DIAPH2: variants seen among roughly 807,000 people sequenced by gnomAD.
DIAPH2 encodes the protein diaphanous related formin 2, also known as protein diaphanous homolog 2.
DIAPH2 carries 35 observed loss-of-function variants against 92.7 expected under a neutral mutation model. The observed-to-expected ratio is 0.38, with a 90% CI of 0.29 to 0.50. The LOEUF is 0.50. Among genes scored for constraint, DIAPH2 ranks in the 20% least tolerant of loss-of-function variants. DIAPH2 has a pLI of 0.94. For synonymous variants in DIAPH2, 301 were observed against 280.4 expected, an observed-to-expected ratio of 1.07 and a Z score of -0.73; for missense variants, 701 against 819.5, an observed-to-expected ratio of 0.86 and a Z score of 1.77.
At chrX:97,009,176 A>G (rs1482085047) in intron 17 of DIAPH2, among the ~76,000 whole-genome samples, 1 of 110,498 alleles carries the variant, frequency 9.0e-6, no homozygotes, top group African/African-American at 3.3e-5. Flanking sequence ...CCTTTTCACA[A>G]GCAGAGGAGG....
At chrX:96,885,301 A>G (rs1338325929) in intron 5 of DIAPH2, 18 of 397,168 alleles carry the variant, frequency 4.5e-5, no homozygotes, top group Non-Finnish European at 4.4e-6. Context: ...ATAAATTGAC[A>G]ACTCTGTAGG....
chrX:96,754,791 G>A, intron 3 of DIAPH2, among the ~76,000 whole-genome samples: 1 of 108,169 alleles, frequency 9.2e-6, no homozygotes, highest in African/African-American at 3.4e-5. Context: ...GGGTGTGGTG[G>A]TGCGTGCCTG....
At chrX:96,958,468 C>T (rs931567291) in intron 16 of DIAPH2, among the ~76,000 whole-genome samples, 8 of 111,540 alleles carry the variant, frequency 7.2e-5, no homozygotes, top group African/African-American at 9.8e-5. Context: ...AATATTTGTA[C>T]GTATTTATGG....
chrX:96,882,669 A>T (rs926331569), intron 5 of DIAPH2, among the ~76,000 whole-genome samples: 7 of 110,425 alleles, frequency 6.3e-5, no homozygotes, highest in African/African-American at 2.3e-4. Flanking sequence ...ATATCAAAAC[A>T]TTCTTGGCCG....
intron 26 of DIAPH2, among the ~76,000 whole-genome samples, chrX:97,521,408 A>G (rs986093896): frequency 8.9e-6 from 1 of 111,932 alleles, no homozygotes; most frequent in African/African-American, 3.3e-5. Context: ...CTTTCCTTAC[A>G]TACACATTCC....
chrX:96,868,923 A>G (rs756894379), intron 4 of DIAPH2, among the ~76,000 whole-genome samples: 1 of 111,968 alleles, frequency 8.9e-6, no homozygotes, highest in Non-Finnish European at 1.9e-5. Context: ...TGCAGAGAAT[A>G]TAGTGTCCAA....
At chrX:97,085,692 C>T (rs1569297634) in intron 19 of DIAPH2, among the ~76,000 whole-genome samples, 1 of 111,884 alleles carries the variant, frequency 8.9e-6, no homozygotes. Context: ...GCTAGGATTA[C>T]AGGCCTGAGC....
chrX:97,596,534 T>C (rs1227740728), intron 26 of DIAPH2, among the ~76,000 whole-genome samples: 1 of 111,900 alleles, frequency 8.9e-6, no homozygotes, highest in Non-Finnish European at 1.9e-5. Flanking sequence ...GTTAGAAAAG[T>C]GAATTGGATT....
intron 1 of DIAPH2, among the ~76,000 whole-genome samples, chrX:96,731,001 G>T (rs1316770596): frequency 9.0e-6 from 1 of 110,996 alleles, no homozygotes; most frequent in African/African-American, 3.3e-5. Flanking sequence ...AAGGTGCTCA[G>T]TGGGGGAACT....
At chrX:96,974,454 G>A (rs1323924601) in intron 17 of DIAPH2, among the ~76,000 whole-genome samples, 1 of 111,308 alleles carries the variant, frequency 9.0e-6, no homozygotes, top group East Asian at 2.8e-4. Flanking sequence ...ATGATATCCT[G>A]ACTAGTATGA....
At chrX:97,185,201 G>A (rs1225627475) in intron 22 of DIAPH2, among the ~76,000 whole-genome samples, 1 of 93,138 alleles carries the variant, frequency 1.1e-5, no homozygotes, top group Non-Finnish European at 2.1e-5. Context: ...TCATGAGGCT[G>A]AGGCACGAGA....
At chrX:96,750,466 AT>A (rs1393521221) in intron 3 of DIAPH2, among the ~76,000 whole-genome samples, 1 of 112,067 alleles carries the variant, frequency 8.9e-6, no homozygotes, top group African/African-American at 3.2e-5. Context: ...AAGAAGAACA[AT>A]CTTCTTGACT....
intron 4 of DIAPH2, among the ~76,000 whole-genome samples, chrX:96,875,882 G>T (rs2065175223): frequency 1.8e-5 from 2 of 111,334 alleles, no homozygotes; most frequent in Admixed American, 1.9e-4. Flanking sequence ...AACACCAAAA[G>T]CAATGGCAAC....
intron 5 of DIAPH2, among the ~76,000 whole-genome samples, chrX:96,898,908 G>A (rs1432951900): frequency 5.5e-5 from 6 of 108,467 alleles, no homozygotes; most frequent in African/African-American, 9.9e-5. Context: ...TTTGTATAAG[G>A]TGTAAGGAAG....
At chrX:97,101,733 A>C (rs1029631821) in intron 20 of DIAPH2, among the ~76,000 whole-genome samples, 1 of 112,356 alleles carries the variant, frequency 8.9e-6, no homozygotes, top group Non-Finnish European at 1.9e-5. Context: ...TGTTTATGGA[A>C]TTGAATTACA....
At chrX:97,597,030 A>T (rs191170908) in intron 26 of DIAPH2, among the ~76,000 whole-genome samples, 99 of 112,241 alleles carry the variant, frequency 8.8e-4, no homozygotes, top group Admixed American at 4.4e-3. Flanking sequence ...CAGATCAGCC[A>T]TTGCTGCTAT....
chrX:96,807,944 CAAAAAAAAAAAAAAAAAAAAAAAAA>C (rs541681495), intron 4 of DIAPH2, among the ~76,000 whole-genome samples: 7 of 14,490 alleles, frequency 4.8e-4, no homozygotes, highest in African/African-American at 9.4e-4. Flanking sequence ...GTAGAAATAG[CAAAAAAAAAAAAAAAAAAAAAAAAA>C]AAAAAAAAAA....
At chrX:97,599,009 T>TTTC (rs1264807690) in intron 26 of DIAPH2, among the ~76,000 whole-genome samples, 2 of 112,153 alleles carry the variant, frequency 1.8e-5, no homozygotes, top group Non-Finnish European at 3.8e-5. Context: ...ACTGCTTCCA[T>TTTC]TTCTTTTATC....
intron 1 of DIAPH2, among the ~76,000 whole-genome samples, chrX:96,715,479 A>G (rs757853490): frequency 9.0e-6 from 1 of 110,973 alleles, no homozygotes; most frequent in Non-Finnish European, 1.9e-5. Context: ...TGAAAGTCAC[A>G]CTCTAGGGAC....
Sources: gnomAD v4.1 joint callset for allele counts (sites outside exome capture counted in the v4.1 genomes callset) on GRCh38, gnomAD v4.1.1 for gene constraint, MANE v1.5 for transcripts, NCBI Gene and HGNC (gene_info 2026-07-23, HGNC 2026-07-21) for gene names.